The following TASOR2 variants were observed in gnomAD, a reference collection of about 807,000 sequenced individuals.
The protein encoded by TASOR2 is transcription activation suppressor family member 2.
TASOR2 carries 84 observed loss-of-function variants against 199.5 expected under a neutral mutation model. The observed-to-expected ratio is 0.42, with a 90% CI of 0.35 to 0.50. The LOEUF is 0.50. Among genes scored for constraint, TASOR2 ranks in the 20% least tolerant of loss-of-function variants. The pLI, the probability that TASOR2 is intolerant of heterozygous loss-of-function variation, is 0.02. For missense variants in TASOR2, 2,796 were observed against 2,835.9 expected (o/e 0.99, Z 0.32); for synonymous variants, 1,103 against 1,046.6 (o/e 1.05, Z -1.04).
Position 5,738,050 on chromosome 10 carries a change from G to T in TASOR2, c.1448-1568G>T, listed in dbSNP as rs1471144066. On this transcript the variant is annotated intron_variant, in intron 12 of 20. Transcript: ENST00000328090. This position sits in a 1 kb window ranked among gnomAD's most constrained non-coding sequence, Gnocchi z 4.7. ...ACTTAAAATATCAACGTTTAAGAAGGCAGATGAAACATAGCCACATTGACC... is the reference window on the plus strand; with the variant it reads ...ACTTAAAATATCAACGTTTAAGAAGTCAGATGAAACATAGCCACATTGACC... Among the ~76,000 whole-genome samples the T allele has an allele frequency of 6.6e-6, 1 of 152,166 alleles. No homozygotes were observed. Among genetic ancestry groups the T allele is most frequent in the Non-Finnish European group, 1.5e-5 (1 of 68,026 alleles).
intron 6 of TASOR2, among the ~76,000 whole-genome samples, chr10:5,721,771 A>G (rs980063060): frequency 2.0e-5 from 3 of 152,242 alleles, no homozygotes; most frequent in Admixed American, 1.3e-4. Context: ...ATATCTTACA[A>G]CATTTCCCCA....
intron 1 of TASOR2, among the ~76,000 whole-genome samples, chr10:5,697,228 T>G (rs550990083): frequency 6.6e-6 from 1 of 152,300 alleles, no homozygotes; most frequent in African/African-American, 2.4e-5. Context: ...AAAAGAAGAA[T>G]GGGGGCAGAG....
At position 5,698,873 on chromosome 10, in the gene TASOR2, A is replaced by C. The variant is rs1265272037; in HGVS notation, c.-288+13698A>C. ...GTGAAAAAATTGGAACCTTCTGTAT[A>C]CTGCTGGTGGGAATATAAAATGGTG... On this transcript the variant is annotated intron_variant, in intron 1 of 20. Transcript: ENST00000328090. This position sits in a 1 kb window ranked among gnomAD's most constrained non-coding sequence, Gnocchi z 4.4. Among the ~76,000 whole-genome samples the C allele has an allele frequency of 6.6e-6, 1 of 152,208 alleles. No homozygotes were observed. The highest frequency in any genetic ancestry group is 1.5e-5 in the Non-Finnish European group (1 of 68,032).
rs116651137 is a variant in TASOR2, at chr10:5,750,187, G to C, written c.6606+160G>C. Among the ~76,000 whole-genome samples the C allele has an allele frequency of 6.8e-3, 1,029 of 152,278 alleles. 19 individuals carry two copies. Among genetic ancestry groups the C allele is most frequent in the African/African-American group, 0.024 (982 of 41,544 alleles). On this transcript the variant is annotated intron_variant, in intron 15 of 20. Coordinates refer to ENST00000328090, the Ensembl canonical transcript of TASOR2. The surrounding 1 kb of genome is among the most constrained non-coding windows in gnomAD (Gnocchi z 5.4). ...TCTGCATACTAAATGTTTTCCTGCAGGATCTGCCATTTGTACTATATTTGA... is the reference window on the plus strand; with the variant it reads ...TCTGCATACTAAATGTTTTCCTGCACGATCTGCCATTTGTACTATATTTGA...
intron 8 of TASOR2, among the ~76,000 whole-genome samples, chr10:5,725,640 G>C (rs918766777): frequency 1.3e-5 from 2 of 151,950 alleles, no homozygotes; most frequent in Non-Finnish European, 2.9e-5. Flanking sequence ...AACTAGCCAG[G>C]CATAATGGCC....
In TASOR2 at chr10:5,748,101, A is replaced by C; in HGVS notation, c.4680A>C (p.Arg1560Ser). 6.2e-7 allele frequency: 1 copy of C among 1,614,246 alleles called. No individual in the cohort carries two copies. The highest frequency in any genetic ancestry group is 2.2e-5 in the East Asian group (1 of 44,890). ...TGCAGCCAGTTAGTATAGAGAATAG[A>C]AATTTGGACTTAAAACATCTTGTCT... The change falls in exon 15 of 21, where the codon AGA becomes AGC. Residue 1560 changes from arginine (R) to serine (S), a missense_variant. Arg to Ser is a moderately radical substitution (Grantham distance 110). This residue lies in a region of TASOR2 where 1,941 missense variants were observed against 1,924.9 expected (regional missense o/e 1.01). Transcript: ENST00000328090. The surrounding 1 kb of genome is among the most constrained non-coding windows in gnomAD (Gnocchi z 5.1).
At chr10:5,763,073 A>C in exon 21 of TASOR2, 1 of 1,605,004 alleles carries the variant, frequency 6.2e-7, no homozygotes. Context: ...TGCCAATAAA[A>C]AATTAGTATT....
chr10:5,749,781 G>A (rs1837764876), exon 15 of TASOR2: 1 of 1,614,144 alleles, frequency 6.2e-7, no homozygotes, highest in Non-Finnish European at 8.5e-7. Context: ...AATTCAACAA[G>A]GTGATGAAGA....
Position 5,722,101 on chromosome 10 carries a change from A to T in TASOR2, c.146+1131A>T, listed in dbSNP as rs967070646. 6.6e-6 allele frequency among the ~76,000 whole-genome samples: 1 copy of T among 152,230 alleles called. No homozygotes were observed. The highest frequency in any genetic ancestry group is 1.5e-5 in the Non-Finnish European group (1 of 68,040). On this transcript the variant is annotated intron_variant, in intron 6 of 20. Transcript: ENST00000328090. This position sits in a 1 kb window ranked among gnomAD's most constrained non-coding sequence, Gnocchi z 4.0. The stretch of plus-strand genomic sequence containing the variant: ...ATTTGAATAAGATGTAGGTTAAGTC[A>T]TAGTATCGTTATCATTGTGAATGTG...
Position 5,696,058 on chromosome 10 carries a change from A to T in TASOR2, c.-288+10883A>T, listed in dbSNP as rs938988974. Among the ~76,000 whole-genome samples, 4 of 152,288 alleles carry T rather than the reference A, an allele frequency of 2.6e-5. No homozygotes were observed. The East Asian group carries it at 7.7e-4, about 29-fold the overall frequency. On this transcript the variant is annotated intron_variant, in intron 1 of 20. Transcript: ENST00000328090. ...TACCCAGGAGACTAGGAGGCTCCAG[A>T]TGGTTAAGGTGGGGGTGAAGCACCT...
At position 5,720,628 on chromosome 10, in the gene TASOR2, A is replaced by G; in HGVS notation, c.-15A>G. The G allele has an allele frequency of 6.2e-7, 1 of 1,614,076 alleles. No individual in the cohort carries two copies. The highest frequency in any genetic ancestry group is 8.5e-7 in the Non-Finnish European group (1 of 1,180,006). The stretch of plus-strand genomic sequence containing the variant: ...TTATGTAATTGTAGCTTTTCGATAC[A>G]GGGAATCTAAAACTATGGCACCACC... On this transcript the variant is annotated 5_prime_UTR_variant, in exon 4 of 21. Coordinates refer to ENST00000328090, the Ensembl canonical transcript of TASOR2. The surrounding 1 kb of genome is among the most constrained non-coding windows in gnomAD (Gnocchi z 5.3).
At chr10:5,731,585 A>G (rs918473919) in intron 11 of TASOR2, among the ~76,000 whole-genome samples, 13 of 152,216 alleles carry the variant, frequency 8.5e-5, no homozygotes, top group Non-Finnish European at 1.8e-4. Context: ...TGTGGACTGC[A>G]GCTTTGCAGC....
At chr10:5,707,705 C>G (rs1006194267) in intron 1 of TASOR2, among the ~76,000 whole-genome samples, 27 of 147,310 alleles carry the variant, frequency 1.8e-4, no homozygotes, top group African/African-American at 6.7e-4. Context: ...CACACACATA[C>G]TCACTCTCCC....
At chr10:5,756,508 G>T (rs1233660568) in intron 15 of TASOR2, 105 bp from the exon 17 acceptor site, 2 of 1,068,324 alleles carry the variant, frequency 1.9e-6, no homozygotes, top group Non-Finnish European at 2.6e-6. Context: ...TGTCATTTAT[G>T]GTTGCCTTAT....
intron 13 of TASOR2, among the ~76,000 whole-genome samples, chr10:5,741,360 C>T (rs777434991): frequency 1.3e-5 from 2 of 152,190 alleles, no homozygotes; most frequent in Admixed American, 6.5e-5. Context: ...ATTCAGCTCC[C>T]TATTAATGAA....
rs774689155 is a variant in TASOR2 at position 5,737,419 on chromosome 10, C to A, written c.1447+1873C>A. Reference sequence around the variant, plus strand: ...ATATGCTGCAGTTTTGGCTTCCATACCAGATTTGAGCTCTTCTGCTTGTCC... The same window carrying A: ...ATATGCTGCAGTTTTGGCTTCCATAACAGATTTGAGCTCTTCTGCTTGTCC... On this transcript the variant is annotated intron_variant, in intron 12 of 20. Transcript: ENST00000328090. This position sits in a 1 kb window ranked among gnomAD's most constrained non-coding sequence, Gnocchi z 4.9. Among the ~76,000 whole-genome samples, 1 of 151,436 alleles carries A rather than the reference C, an allele frequency of 6.6e-6. No homozygotes were observed. The highest frequency in any genetic ancestry group is 1.5e-5 in the Non-Finnish European group (1 of 67,956).
In TASOR2 at chr10:5,756,606, C is replaced by G; in HGVS notation, c.6607-7C>G. 6.2e-7 allele frequency: 1 copy of G among 1,610,662 alleles called. No homozygotes were observed. On this transcript the variant is annotated splice_region_variant and splice_polypyrimidine_tract_variant and intron_variant, in intron 15 of 20. Transcript: ENST00000328090. The stretch of plus-strand genomic sequence containing the variant: ...TTTTTAATAATGGCTATTTGTAAAT[C>G]TTTCAGAACCTTCTGAGGAAAGGAG...
At chr10:5,763,410 GCT>G (rs35002405) in exon 21 of TASOR2, 92,590 of 173,070 alleles carry the variant, frequency 0.53, 25,723 homozygotes, top group Middle Eastern at 0.63. Flanking sequence ...TGCACATTAT[GCT>G]CTGTTTTAAA....
chr10:5,752,464 G>A lies in TASOR2; in HGVS notation c.6606+2437G>A, dbSNP rs1226096055. On this transcript the variant is annotated intron_variant, in intron 15 of 20. Coordinates refer to ENST00000328090, the Ensembl canonical transcript of TASOR2. The surrounding 1 kb of genome is among the most constrained non-coding windows in gnomAD (Gnocchi z 4.4). ...GGGGCCTGCAGGCCACGTGCAGGCCGTGTGTCGGCTCCACATGCCCACTGG... is the reference window on the plus strand; with the variant it reads ...GGGGCCTGCAGGCCACGTGCAGGCCATGTGTCGGCTCCACATGCCCACTGG... Among the ~76,000 whole-genome samples, 44 of 152,206 alleles carry A rather than the reference G, an allele frequency of 2.9e-4. No individual in the cohort carries two copies. The highest frequency in any genetic ancestry group is 5.9e-5 in the Non-Finnish European group (4 of 68,036).
Sources: allele counts gnomAD v4.1 joint callset (sites outside exome capture counted in the v4.1 genomes callset), GRCh38; gene constraint gnomAD v4.1.1; regional missense constraint gnomAD v4.1.1; non-coding constraint Gnocchi (gnomAD v3.1); transcripts MANE v1.5; gene names NCBI Gene and HGNC (gene_info 2026-07-23, HGNC 2026-07-21).